The following TGFB2 variants were observed in gnomAD, a reference collection of about 807,000 sequenced individuals.
TGFB2 encodes transforming growth factor beta-2 proprotein.
In TGFB2, 13 loss-of-function variants were observed where a neutral mutation model predicts 42.7. That is an observed-to-expected ratio of 0.30 (90% CI 0.20 to 0.48). The LOEUF (loss-of-function observed/expected upper bound fraction) is 0.48. TGFB2 is among the 20% of genes least tolerant of loss of function. TGFB2 has a pLI of 0.99. For synonymous variants in TGFB2, 193 were observed against 193.6 expected (o/e 1.00, Z 0.03); for missense variants, 390 against 517.5 (o/e 0.75, Z 2.39).
chr1:218,357,339 C>G (rs577032260), intron 1 of TGFB2, among the ~76,000 whole-genome samples: 3 of 152,108 alleles, frequency 2.0e-5, no homozygotes, highest in African/African-American at 7.2e-5. Context: ...GGAAGCCACA[C>G]TAAGGCCTTG....
At chr1:218,440,581 C>G (rs1207105089) in intron 6 of TGFB2, among the ~76,000 whole-genome samples, 1 of 152,122 alleles carries the variant, frequency 6.6e-6, no homozygotes, top group Non-Finnish European at 1.5e-5. Context: ...ATACAGGTGT[C>G]TTTTTCTATA....
At chr1:218,349,212 T>C (rs1479178268) in intron 1 of TGFB2, among the ~76,000 whole-genome samples, 1 of 152,116 alleles carries the variant, frequency 6.6e-6, no homozygotes. Flanking sequence ...TATGGAAGTT[T>C]AGGAGCAGAA....
intron 2 of TGFB2, among the ~76,000 whole-genome samples, chr1:218,429,696 C>T (rs908272024): frequency 6.6e-6 from 1 of 152,086 alleles, no homozygotes; most frequent in Admixed American, 6.5e-5. Flanking sequence ...ACTTTCTTTC[C>T]TATAGGAACT....
At chr1:218,351,731 G>A (rs908161782) in intron 1 of TGFB2, among the ~76,000 whole-genome samples, 7 of 152,202 alleles carry the variant, frequency 4.6e-5, no homozygotes, top group South Asian at 2.1e-4. Context: ...AGCCCACTGC[G>A]TCTCCACAGC....
intron 1 of TGFB2, among the ~76,000 whole-genome samples, chr1:218,390,881 A>T (rs1305757049): frequency 2.6e-5 from 4 of 152,212 alleles, no homozygotes; most frequent in Non-Finnish European, 5.9e-5. Flanking sequence ...ATGAGGGAAG[A>T]GTGCACACCC....
chr1:218,432,727 A>G (rs1659846161), intron 2 of TGFB2, among the ~76,000 whole-genome samples: 1 of 152,208 alleles, frequency 6.6e-6, no homozygotes, highest in South Asian at 2.1e-4. Context: ...AATTGAAGAC[A>G]TGATCCCTGA....
chr1:218,380,638 C>T (rs1657929259), intron 1 of TGFB2, among the ~76,000 whole-genome samples: 1 of 152,074 alleles, frequency 6.6e-6, no homozygotes, highest in African/African-American at 2.4e-5. Context: ...GCCAAGCATT[C>T]CAGACCTGTT....
At chr1:218,415,694 CAAAAGAAAAAAAA>C (rs945630489) in intron 2 of TGFB2, among the ~76,000 whole-genome samples, 10 of 40,152 alleles carry the variant, frequency 2.5e-4, no homozygotes, top group South Asian at 1.8e-3. Context: ...GACTCTGTCT[CAAAAGAAAAAAAA>C]AAAAAAAAAA....
chr1:218,346,992 G>A lies in TGFB2; in HGVS notation c.291G>A (p.Glu97=). 2 of 1,612,508 alleles carry A rather than the reference G, an allele frequency of 1.2e-6. No individual in the cohort carries two copies. Among genetic ancestry groups the A allele is most frequent in the South Asian group, 2.2e-5 (2 of 90,890 alleles). Residue 97 remains glutamate, a synonymous_variant, in exon 1 of 7, where the codon GAG becomes GAA. Coordinates refer to ENST00000366930, the MANE Select transcript of TGFB2 (RefSeq NM_003238.6). The surrounding 1 kb of genome is among the most constrained non-coding windows in gnomAD (Gnocchi z 4.9). ...AACERERSDE[E]YYAKEVYKID... ...GCGAGCGCGAGAGGAGCGACGAAGAGTACTACGCCAAGGAGGTTTACAAAA... is the reference window on the plus strand; with the variant it reads ...GCGAGCGCGAGAGGAGCGACGAAGAATACTACGCCAAGGAGGTTTACAAAA...
Position 218,346,494 on chromosome 1 carries a change from G to T in TGFB2, c.-208G>T. The T allele has an allele frequency of 2.0e-6, 1 of 503,470 alleles. No homozygotes were observed. Among genetic ancestry groups the T allele is most frequent in the Non-Finnish European group, 3.4e-6 (1 of 292,788 alleles). The allele number at this position is 503,470 out of a possible 1,614,324, so 31.2% of individuals were successfully genotyped here. ...GTCCCGTATTAATATTTCCACTTTT[G>T]GAACTACTGGCCTTTTCTTTTTAAA... On this transcript the variant is annotated 5_prime_UTR_variant, in exon 1 of 7. Transcript: ENST00000366930. This position sits in a 1 kb window ranked among gnomAD's most constrained non-coding sequence, Gnocchi z 4.9.
chr1:218,432,446 C>A (rs1659836734), intron 2 of TGFB2, among the ~76,000 whole-genome samples: 1 of 152,110 alleles, frequency 6.6e-6, no homozygotes, highest in South Asian at 2.1e-4. Flanking sequence ...ACCCAAGGGT[C>A]TAATTGTATG....
chr1:218,396,562 A>G (rs1287844041), intron 1 of TGFB2, among the ~76,000 whole-genome samples: 1 of 151,746 alleles, frequency 6.6e-6, no homozygotes, highest in Non-Finnish European at 1.5e-5. Flanking sequence ...TTAATCTTCT[A>G]AATTTTTAGA....
intron 1 of TGFB2, among the ~76,000 whole-genome samples, chr1:218,370,596 T>C (rs1184987547): frequency 1.3e-5 from 2 of 152,186 alleles, no homozygotes; most frequent in Non-Finnish European, 2.9e-5. Flanking sequence ...AATTTGGCAT[T>C]ATTTTATAAG....
At chr1:218,385,807 G>T (rs1658115466) in intron 1 of TGFB2, among the ~76,000 whole-genome samples, 1 of 152,212 alleles carries the variant, frequency 6.6e-6, no homozygotes, top group South Asian at 2.1e-4. Context: ...GTTAGAACTA[G>T]ACTTCTCTAA....
At chr1:218,382,061 C>T (rs961928138) in intron 1 of TGFB2, among the ~76,000 whole-genome samples, 2 of 152,120 alleles carry the variant, frequency 1.3e-5, no homozygotes, top group Admixed American at 6.5e-5. Context: ...TAGTTCTTTG[C>T]TGCCCTTACC....
chr1:218,363,819 C>A (rs899824113), intron 1 of TGFB2, among the ~76,000 whole-genome samples: 1 of 152,176 alleles, frequency 6.6e-6, no homozygotes, highest in Non-Finnish European at 1.5e-5. Flanking sequence ...GTTCTTGACA[C>A]ATAGTAGTTG....
At chr1:218,357,168 C>T (rs1244895965) in intron 1 of TGFB2, among the ~76,000 whole-genome samples, 4 of 150,680 alleles carry the variant, frequency 2.7e-5, no homozygotes, top group Non-Finnish European at 4.4e-5. Flanking sequence ...GCCGAGATTG[C>T]GCCACTGCAC....
chr1:218,370,642 C>T (rs1657540793), intron 1 of TGFB2, among the ~76,000 whole-genome samples: 1 of 152,210 alleles, frequency 6.6e-6, no homozygotes, highest in South Asian at 2.1e-4. Context: ...CTCTCAATCT[C>T]AGTGAGTGAT....
At chr1:218,361,237 G>A (rs897077015) in intron 1 of TGFB2, among the ~76,000 whole-genome samples, 8 of 152,146 alleles carry the variant, frequency 5.3e-5, no homozygotes, top group African/African-American at 1.9e-4. Context: ...CTCATTCATG[G>A]TCTTAACTTC....
Sources: allele counts gnomAD v4.1 joint callset (sites outside exome capture counted in the v4.1 genomes callset), GRCh38; gene constraint gnomAD v4.1.1; non-coding constraint Gnocchi (gnomAD v3.1); transcripts MANE v1.5; gene names NCBI Gene and HGNC (gene_info 2026-07-23, HGNC 2026-07-21).